The following STXBP2 variants were observed in gnomAD, a reference collection of about 807,000 sequenced individuals.
STXBP2 encodes the protein syntaxin binding protein 2, also known as syntaxin-binding protein 2.
STXBP2 carries 47 observed loss-of-function variants against 72.2 expected under a neutral mutation model. The observed-to-expected ratio is 0.65, with a 90% confidence interval of 0.51 to 0.83. The LOEUF (loss-of-function observed/expected upper bound fraction) is 0.83. Among genes scored for constraint, STXBP2 ranks in the 40% least tolerant of loss-of-function variants. STXBP2 has a pLI of 0.00. For missense variants in STXBP2, 702 were observed against 807.6 expected, an observed-to-expected ratio of 0.87 and a Z score of 1.58; for synonymous variants, 367 against 338.7, an observed-to-expected ratio of 1.08 and a Z score of -0.92.
In STXBP2 at chr19:7,644,987, G is replaced by A; in HGVS notation, c.1247-210G>A. The A allele has an allele frequency of 2.8e-6, 4 of 1,448,036 alleles. No homozygotes were observed. The South Asian group carries it at 5.8e-5, about 21-fold the overall frequency. 89.7% of individuals were successfully genotyped at this position (1,448,036 alleles called of 1,614,324 possible). ...CCTCACATCTGTGATTCCTATAGAT[G>A]TGGGGCTCCCTCAGCTCATCTGGAG... is the stretch of plus-strand genomic sequence containing the variant. On this transcript the variant is annotated intron_variant, in intron 14 of 18. Transcript: ENST00000221283.
At chr19:7,631,342 A>G in the STXBP2 span, 1 of 1,380,896 alleles carries the variant, frequency 7.2e-7, no homozygotes. Context: ...GGGGGCTTCC[A>G]GTGAAGACAC....
chr19:7,635,271 T>G (rs2031482905), upstream of STXBP2, among the ~76,000 whole-genome samples: 1 of 152,144 alleles, frequency 6.6e-6, no homozygotes, highest in Non-Finnish European at 1.5e-5. Flanking sequence ...ACCTAGGGGT[T>G]GTGGAAATGT....
At chr19:7,638,699 C>G in intron 1 of STXBP2, 27 bp from the exon 2 acceptor site, 1 of 1,613,960 alleles carries the variant, frequency 6.2e-7, no homozygotes, top group African/African-American at 1.3e-5. Flanking sequence ...AACCAGCATT[C>G]TGACCCCTCC....
At chr19:7,643,403 T>C in intron 13 of STXBP2, 158 bp downstream of exon 13, 3 of 721,728 alleles carry the variant, frequency 4.2e-6, no homozygotes, top group Non-Finnish European at 6.8e-6. Flanking sequence ...GGGGAAGGAG[T>C]GGGTCTTGTG....
chr19:7,632,309 G>T, upstream of STXBP2: 1 of 1,570,480 alleles, frequency 6.4e-7, no homozygotes, highest in Non-Finnish European at 8.7e-7. The surrounding 1 kb of genome is among the most constrained non-coding windows in gnomAD (Gnocchi z 5.2). Context: ...GGCAGGCCCT[G>T]TTCCCTCCTG....
rs566354422 is a variant in STXBP2 at position 7,641,773 on chromosome 19, G to A, written c.498G>A (p.Thr166=). The change falls in exon 7 of 19, where the codon ACG becomes ACA. Residue 166 remains threonine, a synonymous_variant. Coordinates refer to ENST00000221283, the MANE Select transcript of STXBP2 (RefSeq NM_006949.4). The stretch of plus-strand genomic sequence containing the variant: ...GCCCCTTCCGGGCAGAGGAGCGCAC[G>A]CGGCAGCTCGAGGTGCTGGCCCAGC... ...LYCPFRAEER[T]RQLEVLAQQI... 110 of 1,551,874 alleles carry A rather than the reference G, an allele frequency of 7.1e-5. No homozygotes were observed. Among genetic ancestry groups the A allele is most frequent in the Middle Eastern group, 6.0e-4 (3 of 5,042 alleles).
intron 4 of STXBP2, chr19:7,640,058 A>ATTTGTG: frequency 1.7e-6 from 1 of 603,164 alleles, no homozygotes; most frequent in African/African-American, 2.3e-5. Flanking sequence ...ATTTGTGTGT[A>ATTTGTG]TGTGTGTATG....
In STXBP2 at chr19:7,640,895, C is replaced by G. The variant is rs752733296; in HGVS notation, c.326-5C>G. ...GCCTGATGCCCCACTCCTGCCTCAC[C>G]CCAGCCTGCCCCGAGCCCCTGTTCA... On this transcript the variant is annotated splice_polypyrimidine_tract_variant and splice_region_variant and intron_variant, in intron 5 of 18. Coordinates refer to ENST00000221283, the MANE Select transcript of STXBP2 (RefSeq NM_006949.4). 1 of 1,614,158 alleles carries G rather than the reference C, an allele frequency of 6.2e-7. No individual in the cohort carries two copies. The highest frequency in any genetic ancestry group is 1.1e-5 in the South Asian group (1 of 91,092).
Position 7,642,605 on chromosome 19 carries a change from C to T in STXBP2, c.902+69C>T. 6.3e-7 allele frequency: 1 copy of T among 1,583,752 alleles called. No homozygotes were observed. Among genetic ancestry groups the T allele is most frequent in the Non-Finnish European group, 8.7e-7 (1 of 1,153,434 alleles). On this transcript the variant is annotated intron_variant, in intron 10 of 18. Transcript: ENST00000221283. This position sits in a 1 kb window ranked among gnomAD's most constrained non-coding sequence, Gnocchi z 6.0. ...TGGGCCTGGTAGCGGCCTTGGGATCCCTGGCTGCTGCCAAGTCTTTGGCCC... is the reference window on the plus strand; with the variant it reads ...TGGGCCTGGTAGCGGCCTTGGGATCTCTGGCTGCTGCCAAGTCTTTGGCCC...
chr19:7,647,574 C>T (rs910228209), intron 18 of STXBP2, 63 bp downstream of exon 18: 233 of 1,579,448 alleles, frequency 1.5e-4, no homozygotes, highest in Non-Finnish European at 1.4e-4. Context: ...TGGGCTTGTA[C>T]CTTCTAGGTG....
rs553708618 is a variant in STXBP2, at chr19:7,639,610, C to G, written c.170-121C>G. On this transcript the variant is annotated intron_variant, in intron 3 of 18. Transcript: ENST00000221283. The stretch of plus-strand genomic sequence containing the variant: ...CTGGTGGTCCCTAAGTGGGTTTCTC[C>G]TGCAGTCCCTCCTAAGCATCCACCC... 3.3e-5 allele frequency: 30 copies of G among 907,736 alleles called. No individual in the cohort carries two copies. In the South Asian group the frequency reaches 3.7e-4, roughly 11 times the overall value. The allele number at this position is 907,736 out of a possible 1,614,324, so 56.2% of individuals were successfully genotyped here.
In STXBP2 at chr19:7,643,248, G is replaced by A. The variant is rs1385752459; in HGVS notation, c.1107+3G>A. On this transcript the variant is annotated splice_donor_region_variant and intron_variant, in intron 13 of 18. Transcript: ENST00000221283. ...AGAAGCTGTGTAGTGTGGAGCAGGT[G>A]GGGCAGGGCTTGCGGGGGGCAGGGG... 2.5e-6 allele frequency: 4 copies of A among 1,613,262 alleles called. No individual in the cohort carries two copies. The highest frequency in any genetic ancestry group is 2.2e-5 in the South Asian group (2 of 90,944).
At chr19:7,631,088 A>G in the STXBP2 span, 15 of 741,468 alleles carry the variant, frequency 2.0e-5, no homozygotes, top group East Asian at 4.3e-4. Flanking sequence ...GGCGCCTATA[A>G]TTCCAGCTGC....
intron 4 of STXBP2, 120 bp downstream of exon 4, chr19:7,639,927 TG>T: frequency 9.4e-7 from 1 of 1,061,432 alleles, no homozygotes; most frequent in Non-Finnish European, 1.4e-6. Context: ...TGTGTCCATG[TG>T]TATGTGTGTG....
chr19:7,639,763 A>G lies in STXBP2; in HGVS notation c.202A>G (p.Ile68Val), dbSNP rs1477088810. 1.1e-5 allele frequency: 18 copies of G among 1,613,600 alleles called. No individual in the cohort carries two copies. The highest frequency in any genetic ancestry group is 1.5e-5 in the Non-Finnish European group (18 of 1,179,964). The change falls in exon 4 of 19, where the codon ATT becomes GTT. Residue 68 changes from isoleucine to valine, a missense_variant. Physicochemically the swap from Ile to Val is conservative, Grantham distance 29. Coordinates refer to ENST00000221283, the MANE Select transcript of STXBP2 (RefSeq NM_006949.4). ...VEDINKRREPIPSLEAIYLLS... is the reference protein window; with the variant it reads ...VEDINKRREPVPSLEAIYLLS... ...AGACATCAACAAACGGCGGGAACCC[A>G]TTCCCAGTCTGGAGGCCATTTATTT...
rs771645875 is a variant in STXBP2 at position 7,641,013 on chromosome 19, G to T, written c.429+10G>T. ...CCCCTACGAGGCCCAGGTACGGCCC[G>T]GGCTCATCCTGGGCAGGGGGTGGGG... is the stretch of plus-strand genomic sequence containing the variant. On this transcript the variant is annotated intron_variant, in intron 6 of 18. Coordinates refer to ENST00000221283, the MANE Select transcript of STXBP2 (RefSeq NM_006949.4). 1 of 1,613,442 alleles carries T rather than the reference G, an allele frequency of 6.2e-7. No homozygotes were observed. The highest frequency in any genetic ancestry group is 1.7e-5 in the Admixed American group (1 of 59,992).
At chr19:7,630,083 T>G in the STXBP2 span, 1 of 427,566 alleles carries the variant, frequency 2.3e-6, no homozygotes, top group Non-Finnish European at 4.0e-6. Flanking sequence ...AGAGGGCTGG[T>G]CCGAGGAAGG....
upstream of STXBP2, chr19:7,637,019 C>T (rs2031561482): frequency 2.9e-6 from 3 of 1,050,876 alleles, no homozygotes; most frequent in South Asian, 4.9e-5. Flanking sequence ...CGAGAACCGA[C>T]GGCGGGGAGG....
rs769882636 is a variant in STXBP2 at position 7,647,263 on chromosome 19, C to T, written c.1538+16C>T. ...CCGCTGTCAGGTGAGGCCCCGGGGCCGCCCCCGCCCACGCCTGGGTCTGTG... is the reference window on the plus strand; with the variant it reads ...CCGCTGTCAGGTGAGGCCCCGGGGCTGCCCCCGCCCACGCCTGGGTCTGTG... On this transcript the variant is annotated intron_variant, in intron 17 of 18. Transcript: ENST00000221283. The T allele has an allele frequency of 4.5e-5, 72 of 1,610,416 alleles. No homozygotes were observed. Among genetic ancestry groups the T allele is most frequent in the Admixed American group, 1.7e-4 (10 of 59,946 alleles).
Sources: allele counts gnomAD v4.1 joint callset (sites outside exome capture counted in the v4.1 genomes callset), GRCh38; gene constraint gnomAD v4.1.1; non-coding constraint Gnocchi (gnomAD v3.1); transcripts MANE v1.5; gene names NCBI Gene and HGNC (gene_info 2026-07-23, HGNC 2026-07-21).